The following GPC5 variants were observed in gnomAD, a reference collection of about 807,000 sequenced individuals.
GPC5 encodes the protein glypican 5, also known as glypican-5.
Under a neutral mutation model 53.9 loss-of-function variants are expected in GPC5, and 47 were observed. The ratio of observed to expected loss-of-function variants is 0.87; its 90% CI spans 0.69 to 1.11. The LOEUF is 1.11. GPC5 is among the 50% of genes most tolerant of loss of function. The pLI is 0.00. For missense variants in GPC5, 748 were observed against 713.1 expected (o/e 1.05, Z -0.56); for synonymous variants, 286 against 263.3 (o/e 1.09, Z -0.84).
chr13:91,536,699 T>C lies in GPC5; in HGVS notation c.325+87777T>C, dbSNP rs550124031. The stretch of plus-strand genomic sequence containing the variant: ...CTCTGCATGCCTGTGTCTATATAAG[T>C]ACATCAGTCACGCTGGACTAGGGTC... On this transcript the variant is annotated intron_variant, in intron 2 of 7. Coordinates refer to ENST00000377067, the MANE Select transcript of GPC5 (RefSeq NM_004466.6). Among the ~76,000 whole-genome samples the C allele has an allele frequency of 3.9e-5, 6 of 152,324 alleles. No homozygotes were observed. The South Asian group carries it at 8.3e-4, about 21-fold the overall frequency.
At chr13:92,038,225 A>G (rs2040909661) in intron 6 of GPC5, among the ~76,000 whole-genome samples, 1 of 151,950 alleles carries the variant, frequency 6.6e-6, no homozygotes, top group Non-Finnish European at 1.5e-5. Flanking sequence ...AGGTGCGACT[A>G]CTGTGGTGTA....
intron 6 of GPC5, among the ~76,000 whole-genome samples, chr13:91,919,589 A>G (rs2039691381): frequency 6.6e-6 from 1 of 152,192 alleles, no homozygotes. Context: ...AAGTTTACTT[A>G]TAATAAGTGA....
At chr13:92,385,316 A>T (rs1347459740) in intron 7 of GPC5, among the ~76,000 whole-genome samples, 1 of 125,100 alleles carries the variant, frequency 8.0e-6, no homozygotes, top group East Asian at 2.4e-4. Flanking sequence ...CTTCCTATAT[A>T]TATACATATA....
chr13:92,830,177 T>C (rs1292856154), intron 7 of GPC5, among the ~76,000 whole-genome samples: 5 of 152,186 alleles, frequency 3.3e-5, no homozygotes, highest in Non-Finnish European at 5.9e-5. Context: ...TATGTCATAA[T>C]TCCTATTTTA....
At chr13:91,957,075 A>G (rs1295496996) in intron 6 of GPC5, among the ~76,000 whole-genome samples, 1 of 152,156 alleles carries the variant, frequency 6.6e-6, no homozygotes, top group Non-Finnish European at 1.5e-5. Context: ...ATTACAAAGA[A>G]ACCAGAAAAA....
intron 6 of GPC5, among the ~76,000 whole-genome samples, chr13:91,998,123 A>C (rs1460026603): frequency 3.3e-5 from 5 of 152,192 alleles, no homozygotes; most frequent in African/African-American, 1.2e-4. Context: ...TTTATTGAAA[A>C]GTTTTTTATT....
intron 7 of GPC5, among the ~76,000 whole-genome samples, chr13:92,591,864 G>A (rs1055287713): frequency 5.3e-5 from 8 of 152,076 alleles, no homozygotes; most frequent in Admixed American, 2.0e-4. Flanking sequence ...ATAGTGCAGC[G>A]AACTGGCTCA....
intron 6 of GPC5, among the ~76,000 whole-genome samples, chr13:92,079,882 C>T (rs375005430): frequency 5.3e-5 from 8 of 152,190 alleles, no homozygotes; most frequent in African/African-American, 1.7e-4. Flanking sequence ...CAGTGTGCCA[C>T]CTCTAACTTC....
chr13:92,808,227 A>T (rs1244092041), intron 7 of GPC5, among the ~76,000 whole-genome samples: 3 of 152,118 alleles, frequency 2.0e-5, no homozygotes, highest in Non-Finnish European at 4.4e-5. Flanking sequence ...ATTTGTTTCC[A>T]TAGATTTTGT....
At chr13:92,522,408 C>T (rs571183991) in intron 7 of GPC5, among the ~76,000 whole-genome samples, 6 of 152,198 alleles carry the variant, frequency 3.9e-5, no homozygotes, top group East Asian at 3.9e-4. Flanking sequence ...GAAAATGTGG[C>T]GCATATACAC....
intron 7 of GPC5, among the ~76,000 whole-genome samples, chr13:92,820,379 T>C (rs1189033212): frequency 6.6e-6 from 1 of 152,220 alleles, no homozygotes; most frequent in Admixed American, 6.6e-5. Flanking sequence ...TTGTTGTTGT[T>C]GTTTTCCATG....
chr13:92,042,452 G>C (rs1326210612), intron 6 of GPC5, among the ~76,000 whole-genome samples: 1 of 151,942 alleles, frequency 6.6e-6, no homozygotes, highest in East Asian at 1.9e-4. Context: ...ATAACTCAGG[G>C]GTGATCCCTG....
intron 2 of GPC5, among the ~76,000 whole-genome samples, chr13:91,540,260 A>G (rs1309460063): frequency 6.6e-6 from 1 of 152,200 alleles, no homozygotes; most frequent in African/African-American, 2.4e-5. Context: ...TAGATTCACC[A>G]ATCCAAATAA....
intron 4 of GPC5, among the ~76,000 whole-genome samples, 198 bp downstream of exon 4, chr13:91,728,863 GA>G (rs2036633904): frequency 6.6e-6 from 1 of 151,878 alleles, no homozygotes. Flanking sequence ...ATAAGACCAA[GA>G]AAACTTTTTG....
intron 7 of GPC5, among the ~76,000 whole-genome samples, chr13:92,759,646 A>G (rs1875076794): frequency 6.6e-6 from 1 of 152,086 alleles, no homozygotes; most frequent in South Asian, 2.1e-4. Context: ...ACATAGGTTC[A>G]TATCATCTGC....
rs538962664 is a variant in GPC5, at chr13:92,863,385, A to T, written c.1562-2897A>T. 2.6e-5 allele frequency among the ~76,000 whole-genome samples: 4 copies of T among 152,304 alleles called. No homozygotes were observed. In the South Asian group the frequency reaches 8.3e-4, roughly 32 times the overall value. On this transcript the variant is annotated intron_variant, in intron 7 of 7. Transcript: ENST00000377067. ...AAAATTAAATGACTTAACATTTGTG[A>T]AGTACTTGGAACTGTACCTGACACC...
intron 7 of GPC5, among the ~76,000 whole-genome samples, chr13:92,769,774 A>C (rs2138747642): frequency 6.6e-6 from 1 of 152,352 alleles, no homozygotes; most frequent in African/African-American, 2.4e-5. Flanking sequence ...TATGTCTAAA[A>C]GTACATCACA....
chr13:91,888,304 T>C (rs556186336), intron 5 of GPC5, among the ~76,000 whole-genome samples: 2 of 152,274 alleles, frequency 1.3e-5, no homozygotes, highest in East Asian at 1.9e-4. Context: ...TCCTACTGGG[T>C]TCCTCCCAGG....
At chr13:92,212,851 T>C (rs2042385019) in intron 7 of GPC5, among the ~76,000 whole-genome samples, 1 of 152,176 alleles carries the variant, frequency 6.6e-6, no homozygotes, top group African/African-American at 2.4e-5. Flanking sequence ...CCAATGTCTA[T>C]TCCAATTAGT....
Sources: gnomAD v4.1 joint callset for allele counts (sites outside exome capture counted in the v4.1 genomes callset) on GRCh38, gnomAD v4.1.1 for gene constraint, MANE v1.5 for transcripts, NCBI Gene and HGNC (gene_info 2026-07-23, HGNC 2026-07-21) for gene names.